The following C1orf54 variants were observed in gnomAD, a reference collection of about 807,000 sequenced individuals.
C1orf54 encodes the protein uncharacterized protein C1orf54.
In C1orf54, 12 loss-of-function variants were observed where a neutral mutation model predicts 14.7. The ratio of observed to expected loss-of-function variants is 0.82; its 90% CI spans 0.52 to 1.32. The LOEUF (loss-of-function observed/expected upper bound fraction) is 1.32, where lower values mean the gene tolerates loss of function less well. C1orf54 is among the 40% of genes most tolerant of loss of function. The pLI is 0.00. For synonymous variants in C1orf54, 65 were observed against 56.3 expected (o/e 1.16, Z -0.70); for missense variants, 163 against 162.2 (o/e 1.00, Z -0.03).
upstream of C1orf54, among the ~76,000 whole-genome samples, chr1:150,270,883 C>T (rs1185226129): frequency 1.3e-5 from 2 of 148,730 alleles, no homozygotes; most frequent in African/African-American, 5.0e-5. Flanking sequence ...GTAGTCCCAG[C>T]TACTCAGGAG....
At chr1:150,273,965 G>C in intron 1 of C1orf54, 122 bp from the exon 2 acceptor site, 1 of 685,516 alleles carries the variant, frequency 1.5e-6, no homozygotes, top group Non-Finnish European at 2.6e-6. Flanking sequence ...TTGGAGGAGA[G>C]AGAGAGAGAG....
At chr1:150,269,536 A>T (rs1652051474), upstream of C1orf54, 1 of 152,238 alleles carries the variant, frequency 6.6e-6, no homozygotes, top group East Asian at 1.9e-4. Flanking sequence ...TAATGACAAG[A>T]GAATCGGAGA....
At chr1:150,272,968 C>T (rs1014433611) in intron 1 of C1orf54, 105 bp downstream of exon 1, 7 of 1,274,022 alleles carry the variant, frequency 5.5e-6, no homozygotes, top group East Asian at 2.3e-5. Flanking sequence ...CAGTGGGGAG[C>T]GATAGAGTTT....
At chr1:150,270,685 CA>C (rs1652135408), upstream of C1orf54, among the ~76,000 whole-genome samples, 1 of 150,994 alleles carries the variant, frequency 6.6e-6, no homozygotes, top group Admixed American at 6.6e-5. Flanking sequence ...AGTCACCAGG[CA>C]AATTATTCCC....
upstream of C1orf54, chr1:150,269,087 A>C (rs970886060): frequency 6.3e-5 from 24 of 381,558 alleles, no homozygotes; most frequent in Admixed American, 8.7e-4. Flanking sequence ...CCAATGGAGA[A>C]TCAGCGCGGG....
intron 1 of C1orf54, among the ~76,000 whole-genome samples, chr1:150,273,113 G>A (rs1553851639): frequency 6.6e-6 from 1 of 152,192 alleles, no homozygotes. Flanking sequence ...TAGCAACACT[G>A]AGCTCAGTTC....
intron 2 of C1orf54, 87 bp from the exon 3 acceptor site, chr1:150,275,654 T>C: frequency 9.4e-7 from 1 of 1,059,278 alleles, no homozygotes; most frequent in Admixed American, 2.2e-5. Context: ...TAAGTTAAAC[T>C]ATTCTGAGTA....
chr1:150,272,985 C>G, intron 1 of C1orf54, 122 bp downstream of exon 1: 1 of 1,122,052 alleles, frequency 8.9e-7, no homozygotes, highest in Non-Finnish European at 1.3e-6. Context: ...GTTTTCTCAT[C>G]GTGCTGGGGT....
At position 150,274,163 on chromosome 1, in the gene C1orf54, C is replaced by A; in HGVS notation, c.123C>A (p.Pro41=). 6.2e-7 allele frequency: 1 copy of A among 1,608,094 alleles called. No individual in the cohort carries two copies. The highest frequency in any genetic ancestry group is 1.1e-5 in the South Asian group (1 of 90,918). The change falls in exon 2 of 6, where the codon CCC becomes CCA. Residue 41 remains proline (P), a synonymous_variant. Transcript: ENST00000369099. ...YQVVYYYTVT[P]SYDDFSADFT... ...TGGTCTATTATTATACAGTCACCCC[C>A]AGTTATGGTGAGTACATGAAAGGCT... is the stretch of plus-strand genomic sequence containing the variant.
rs1652439992 is a variant in C1orf54 at position 150,274,163 on chromosome 1, C to T, written c.123C>T (p.Pro41=). The T allele has an allele frequency of 6.2e-7, 1 of 1,607,976 alleles. No homozygotes were observed. The change falls in exon 2 of 6, where the codon CCC becomes CCT. Residue 41 remains proline (P), a synonymous_variant. Coordinates refer to ENST00000369099, the MANE Select transcript of C1orf54 (RefSeq NM_024579.4). ...YQVVYYYTVT[P]SYDDFSADFT... ...TGGTCTATTATTATACAGTCACCCC[C>T]AGTTATGGTGAGTACATGAAAGGCT... is the stretch of plus-strand genomic sequence containing the variant.
At chr1:150,272,097 G>A (rs781866726), upstream of C1orf54, among the ~76,000 whole-genome samples, 3 of 151,770 alleles carry the variant, frequency 2.0e-5, no homozygotes, top group Non-Finnish European at 4.4e-5. Context: ...CCGAGATCGC[G>A]CCACTGCACT....
chr1:150,268,901 CGCGACCCCACGAGGGGCGCGGTGCAAT>C, upstream of C1orf54: 1 of 1,134,004 alleles, frequency 8.8e-7, no homozygotes, highest in Non-Finnish European at 1.3e-6. Context: ...GGGGTGGCAA[CGCGACCCCACGAGGGGCGCGGTGCAAT>C]GTCACCCCCA....
upstream of C1orf54, chr1:150,269,222 G>A (rs113335667): frequency 4.2e-3 from 749 of 179,534 alleles, 12 homozygotes; most frequent in African/African-American, 0.016. Flanking sequence ...CAATTCCAGG[G>A]TTCGGTTGCG....
Position 150,276,558 on chromosome 1 carries a change from A to C in C1orf54, c.226A>C (p.Thr76Pro). Residue 76 changes from threonine to proline, a missense_variant, in exon 4 of 6, where the codon ACT becomes CCT. Coordinates refer to ENST00000369099, the MANE Select transcript of C1orf54 (RefSeq NM_024579.4). ...LDKDITEAIETTISLETARAD... is the reference protein window; with the variant it reads ...LDKDITEAIEPTISLETARAD... Reference sequence around the variant, plus strand: ...TAAGGACATAACAGAAGCAATAGAGACTACCATTAGTCTTGAAACAGCACG... The same window carrying C: ...TAAGGACATAACAGAAGCAATAGAGCCTACCATTAGTCTTGAAACAGCACG... 6.2e-7 allele frequency: 1 copy of C among 1,614,150 alleles called. No homozygotes were observed. The highest frequency in any genetic ancestry group is 8.5e-7 in the Non-Finnish European group (1 of 1,180,022).
intron 3 of C1orf54, 97 bp from the exon 4 acceptor site, chr1:150,276,425 G>T: frequency 1.1e-6 from 1 of 921,386 alleles, no homozygotes. Context: ...TGGGCTGGGT[G>T]GAGGTGGTGA....
chr1:150,271,968 C>T (rs587668213), upstream of C1orf54, among the ~76,000 whole-genome samples: 5 of 152,156 alleles, frequency 3.3e-5, no homozygotes, highest in East Asian at 3.9e-4. Flanking sequence ...GGTGAAACCC[C>T]GTCTCTACTA....
intron 4 of C1orf54, among the ~76,000 whole-genome samples, chr1:150,277,511 A>T (rs1652764541): frequency 6.9e-6 from 1 of 145,170 alleles, no homozygotes; most frequent in African/African-American, 2.7e-5. Flanking sequence ...CTAAAAAAAA[A>T]AAAAAAAAAA....
intron 1 of C1orf54, 64 bp from the exon 2 acceptor site, chr1:150,274,023 C>T (rs1652426573): frequency 9.0e-7 from 1 of 1,108,538 alleles, no homozygotes; most frequent in Non-Finnish European, 1.4e-6. Context: ...AGGTCATCTC[C>T]AGGTGTCCTT....
chr1:150,280,510 A>G (rs1410603302), intron 5 of C1orf54, among the ~76,000 whole-genome samples: 3 of 152,254 alleles, frequency 2.0e-5, no homozygotes, highest in African/African-American at 7.2e-5. Flanking sequence ...ACAACCTGGT[A>G]GAGTCAAGAG....
Sources: allele counts gnomAD v4.1 joint callset (sites outside exome capture counted in the v4.1 genomes callset), GRCh38; gene constraint gnomAD v4.1.1; transcripts MANE v1.5; gene names NCBI Gene and HGNC (gene_info 2026-07-23, HGNC 2026-07-21).